The following ZNF469 variants were observed in gnomAD, a reference collection of about 807,000 sequenced individuals.
ZNF469 encodes the protein zinc finger protein 469.
In ZNF469, 1 loss-of-function variant was observed where a neutral mutation model predicts 1.0. The ratio of observed to expected loss-of-function variants is 1.00; its 90% confidence interval spans 0.35 to 4.73. The LOEUF (loss-of-function observed/expected upper bound fraction) is 4.73. Ranked by LOEUF, ZNF469 falls within the 30% of genes most tolerant of loss-of-function variation. The pLI, the probability that ZNF469 is intolerant of heterozygous loss-of-function variation, is 0.16. For synonymous variants in ZNF469, 2,703 were observed against 2,363.4 expected (o/e 1.14, Z -4.17); for missense variants, 6,100 against 5,356.3 (o/e 1.14, Z -4.33).
chr16:88,261,431 G>GC, the ZNF469 span, among the ~76,000 whole-genome samples: 1 of 152,128 alleles, frequency 6.6e-6, no homozygotes, highest in Non-Finnish European at 1.5e-5. This position sits in a 1 kb window ranked among gnomAD's most constrained non-coding sequence, Gnocchi z 6.0. Flanking sequence ...AGTAGGTCAT[G>GC]CCCCCCGCTG....
At chr16:88,384,449 A>C (rs925417123) in intron 1 of ZNF469, among the ~76,000 whole-genome samples, 2 of 152,352 alleles carry the variant, frequency 1.3e-5, no homozygotes, top group South Asian at 4.1e-4. Context: ...AGGGCTGAGC[A>C]GGGAGCTCGG....
chr16:88,198,785 T>C, the ZNF469 span, among the ~76,000 whole-genome samples: 27 of 152,308 alleles, frequency 1.8e-4, no homozygotes, highest in Non-Finnish European at 2.8e-4. Context: ...CCTCACCAAC[T>C]CCCTGTTTAT....
At chr16:88,100,944 G>A in the ZNF469 span, 1 of 283,928 alleles carries the variant, frequency 3.5e-6, no homozygotes, top group Admixed American at 5.1e-5. Context: ...GCGCAGAGAC[G>A]CAGCCCCAAC....
the ZNF469 span, among the ~76,000 whole-genome samples, chr16:88,302,264 A>G: frequency 6.6e-6 from 1 of 152,216 alleles, no homozygotes; most frequent in Non-Finnish European, 1.5e-5. Context: ...TCAGCCTCTT[A>G]TGAAACAATT....
At chr16:88,186,085 G>A in the ZNF469 span, among the ~76,000 whole-genome samples, 1 of 152,210 alleles carries the variant, frequency 6.6e-6, no homozygotes, top group Admixed American at 6.5e-5. Context: ...CTGAGCTCCC[G>A]GATCACTGGG....
the ZNF469 span, among the ~76,000 whole-genome samples, chr16:88,128,234 C>T: frequency 5.3e-5 from 8 of 151,734 alleles, no homozygotes; most frequent in South Asian, 2.1e-4. Flanking sequence ...AGGGCCACGT[C>T]GCCCAGAATG....
At chr16:88,164,290 AATGG>A in the ZNF469 span, among the ~76,000 whole-genome samples, 1 of 150,590 alleles carries the variant, frequency 6.6e-6, no homozygotes, top group Middle Eastern at 3.2e-3. Context: ...TAGATGAATG[AATGG>A]ATGGGTGGAT....
At chr16:88,394,912 ACCCCGATCC>A (rs1225938157) in intron 1 of ZNF469, among the ~76,000 whole-genome samples, 1 of 151,648 alleles carries the variant, frequency 6.6e-6, no homozygotes, top group Non-Finnish European at 1.5e-5. Context: ...ACCTGTACTC[ACCCCGATCC>A]CTCCCTGCTG....
chr16:88,221,740 G>C, the ZNF469 span, among the ~76,000 whole-genome samples: 2 of 152,320 alleles, frequency 1.3e-5, no homozygotes, highest in East Asian at 3.9e-4. Flanking sequence ...GGAGTCCTAA[G>C]GCATCGGCAG....
chr16:88,155,256 G>C, the ZNF469 span, among the ~76,000 whole-genome samples: 1 of 152,374 alleles, frequency 6.6e-6, no homozygotes, highest in East Asian at 1.9e-4. Flanking sequence ...ATTGGTGTGT[G>C]TGCAGCCCCC....
chr16:88,245,147 G>A, the ZNF469 span, among the ~76,000 whole-genome samples: 1 of 151,888 alleles, frequency 6.6e-6, no homozygotes, highest in African/African-American at 2.4e-5. Context: ...GAGGAAAGAA[G>A]GGGTGTGTTC....
At chr16:88,335,734 A>C in the ZNF469 span, among the ~76,000 whole-genome samples, 2 of 152,260 alleles carry the variant, frequency 1.3e-5, no homozygotes. Context: ...GCATTGACGC[A>C]GCAACACCAT....
At chr16:88,108,631 T>C in the ZNF469 span, among the ~76,000 whole-genome samples, 158 of 152,304 alleles carry the variant, frequency 1.0e-3, 1 homozygote, top group African/African-American at 3.7e-3. Context: ...CCCACTTCAG[T>C]GTGACTTCCC....
the ZNF469 span, among the ~76,000 whole-genome samples, chr16:88,306,620 C>A: frequency 6.6e-6 from 1 of 152,148 alleles, no homozygotes; most frequent in African/African-American, 2.4e-5. Flanking sequence ...AGCCTGAAGC[C>A]CCATGACTGC....
At chr16:88,389,821 C>T (rs1904435420) in intron 1 of ZNF469, among the ~76,000 whole-genome samples, 1 of 152,140 alleles carries the variant, frequency 6.6e-6, no homozygotes. Context: ...CGCAGTCCCC[C>T]AGGAGGCTCC....
chr16:88,260,552 G>T, the ZNF469 span, among the ~76,000 whole-genome samples: 51 of 152,220 alleles, frequency 3.4e-4, no homozygotes, highest in Admixed American at 9.8e-4. This position sits in a 1 kb window ranked among gnomAD's most constrained non-coding sequence, Gnocchi z 4.1. Flanking sequence ...TGAGAAATTG[G>T]CTGGGTTTAG....
At chr16:88,236,069 TGGA>T in the ZNF469 span, among the ~76,000 whole-genome samples, 1 of 152,242 alleles carries the variant, frequency 6.6e-6, no homozygotes, top group African/African-American at 2.4e-5. Context: ...TAAGGGGTTG[TGGA>T]GACCAAAGTT....
the ZNF469 span, among the ~76,000 whole-genome samples, chr16:88,229,631 TGTCACGTGTGTGTGCTG>T: frequency 7.1e-6 from 1 of 140,146 alleles, no homozygotes; most frequent in Non-Finnish European, 1.6e-5. Context: ...CGCGTGTGGA[TGTCACGTGTGTGTGCTG>T]ATGTCACGCG....
chr16:88,152,466 C>T, the ZNF469 span, among the ~76,000 whole-genome samples: 1 of 152,084 alleles, frequency 6.6e-6, no homozygotes, highest in Admixed American at 6.5e-5. This position sits in a 1 kb window ranked among gnomAD's most constrained non-coding sequence, Gnocchi z 4.2. Context: ...TTTGGCTGCC[C>T]CCGCGGTCCC....
Sources: gnomAD v4.1 joint callset for allele counts (sites outside exome capture counted in the v4.1 genomes callset) on GRCh38, gnomAD v4.1.1 for gene constraint, Gnocchi (gnomAD v3.1) non-coding constraint, MANE v1.5 for transcripts, NCBI Gene and HGNC (gene_info 2026-07-23, HGNC 2026-07-21) for gene names.